The following TENM4 variants were observed in gnomAD, a reference collection of about 807,000 sequenced individuals.
The protein encoded by TENM4 is teneurin transmembrane protein 4.
TENM4 carries 82 observed loss-of-function variants against 243.3 expected under a neutral mutation model. The ratio of observed to expected loss-of-function variants is 0.34; its 90% CI spans 0.28 to 0.40. The LOEUF is 0.40. TENM4 is among the 10% of genes least tolerant of loss of function. TENM4 has a pLI of 1.00. For missense variants in TENM4, 3,138 were observed against 3,673.3 expected (o/e 0.85, Z 3.77); for synonymous variants, 1,412 against 1,456.3 (o/e 0.97, Z 0.69).
In TENM4 at chr11:79,303,163, T is replaced by A. The variant is rs372833198; in HGVS notation, c.-320-5620A>T. Among the ~76,000 whole-genome samples, 36 of 152,336 alleles carry A rather than the reference T, an allele frequency of 2.4e-4. No individual in the cohort carries two copies. In the South Asian group the frequency reaches 6.0e-3, roughly 25 times the overall value. On this transcript the variant is annotated intron_variant, in intron 1 of 33. Coordinates refer to ENST00000278550, the MANE Select transcript of TENM4 (RefSeq NM_001098816.3). ...TCAAGATTCTGCTTCAAGATTCCTTTTATTTAAGCATCCCTCTATATAGCT... is the reference window on the plus strand; with the variant it reads ...TCAAGATTCTGCTTCAAGATTCCTTATATTTAAGCATCCCTCTATATAGCT...
intron 1 of TENM4, among the ~76,000 whole-genome samples, chr11:79,316,328 G>C (rs1181778568): frequency 1.3e-5 from 2 of 152,158 alleles, no homozygotes; most frequent in Admixed American, 6.6e-5. Flanking sequence ...TATAAACAAG[G>C]CTGGTTTCGA....
At chr11:79,151,392 C>T (rs567531417) in intron 3 of TENM4, among the ~76,000 whole-genome samples, 16 of 152,242 alleles carry the variant, frequency 1.1e-4, no homozygotes, top group Admixed American at 3.9e-4. Context: ...ATCTAGAAGT[C>T]TAAACACAAG....
At chr11:78,746,187 T>C (rs1856047720) in intron 19 of TENM4, among the ~76,000 whole-genome samples, 1 of 152,208 alleles carries the variant, frequency 6.6e-6, no homozygotes. Context: ...GTTCCTCATG[T>C]ACAGGTGAGG....
At chr11:79,413,900 C>T (rs1309810886) in intron 1 of TENM4, among the ~76,000 whole-genome samples, 2 of 152,090 alleles carry the variant, frequency 1.3e-5, no homozygotes, top group South Asian at 4.2e-4. Flanking sequence ...TACACATATG[C>T]ATGCACACAC....
chr11:79,298,492 G>T (rs1224824005), intron 1 of TENM4, among the ~76,000 whole-genome samples: 5 of 143,324 alleles, frequency 3.5e-5, no homozygotes, highest in African/African-American at 1.3e-4. Flanking sequence ...TCCGCAGTCC[G>T]GCCTGGGTGA....
At chr11:79,052,580 G>C (rs115028183) in intron 6 of TENM4, among the ~76,000 whole-genome samples, 1,986 of 152,302 alleles carry the variant, frequency 0.013, 46 homozygotes, top group African/African-American at 0.045. Context: ...TGTAATTATT[G>C]ACAGGTAGAG....
At chr11:79,431,455 C>T (rs1859167412) in intron 1 of TENM4, among the ~76,000 whole-genome samples, 2 of 152,254 alleles carry the variant, frequency 1.3e-5, no homozygotes, top group African/African-American at 4.8e-5. Flanking sequence ...TTTTCTTTGG[C>T]TAGATTCCTA....
chr11:79,363,052 G>A (rs995102299), intron 1 of TENM4, among the ~76,000 whole-genome samples: 3 of 152,210 alleles, frequency 2.0e-5, no homozygotes, highest in Admixed American at 1.3e-4. Flanking sequence ...CAGGTGGATT[G>A]CAACTCCTGA....
chr11:78,663,137 C>T (rs1858073129), intron 32 of TENM4, among the ~76,000 whole-genome samples: 1 of 152,194 alleles, frequency 6.6e-6, no homozygotes, highest in African/African-American at 2.4e-5. Context: ...GACAGACAGA[C>T]AGCCTGTGTC....
intron 6 of TENM4, among the ~76,000 whole-genome samples, chr11:79,026,601 GA>G (rs1256346140): frequency 6.6e-6 from 1 of 152,096 alleles, no homozygotes; most frequent in Non-Finnish European, 1.5e-5. Flanking sequence ...GTGCTTTTTT[GA>G]ATATCTACTT....
At chr11:79,186,925 A>G (rs1439956129) in intron 3 of TENM4, among the ~76,000 whole-genome samples, 1 of 152,178 alleles carries the variant, frequency 6.6e-6, no homozygotes, top group African/African-American at 2.4e-5. Context: ...GCTTTGGTGA[A>G]AGATTCTTCT....
chr11:79,101,596 G>A (rs997039578), intron 4 of TENM4, among the ~76,000 whole-genome samples: 6 of 152,220 alleles, frequency 3.9e-5, no homozygotes, highest in African/African-American at 1.4e-4. Context: ...ACTTCTCTGG[G>A]TTCCTTGTGT....
intron 6 of TENM4, among the ~76,000 whole-genome samples, chr11:79,051,710 G>A (rs1859797938): frequency 6.6e-6 from 1 of 152,182 alleles, no homozygotes; most frequent in Non-Finnish European, 1.5e-5. Flanking sequence ...CAGATGTGCA[G>A]GTTTGTCACA....
chr11:79,193,188 T>C (rs1288098838), intron 3 of TENM4: 1 of 152,204 alleles, frequency 6.6e-6, no homozygotes, highest in African/African-American at 2.4e-5. Flanking sequence ...CTCACTAAGG[T>C]CCCTGTTCTA....
At chr11:79,422,585 C>T (rs1283100477) in intron 1 of TENM4, among the ~76,000 whole-genome samples, 1 of 152,174 alleles carries the variant, frequency 6.6e-6, no homozygotes, top group Non-Finnish European at 1.5e-5. Flanking sequence ...AAACAACTCC[C>T]TCCACCCCAA....
intron 6 of TENM4, among the ~76,000 whole-genome samples, chr11:78,958,928 T>G (rs913804344): frequency 1.3e-5 from 2 of 152,362 alleles, no homozygotes; most frequent in East Asian, 1.9e-4. Flanking sequence ...GGAAGAGAGA[T>G]AGAAAAGTTT....
chr11:79,336,129 G>GA (rs992578207), intron 1 of TENM4, among the ~76,000 whole-genome samples: 1 of 151,656 alleles, frequency 6.6e-6, no homozygotes, highest in Non-Finnish European at 1.5e-5. Context: ...ACTAAATGGG[G>GA]AAAAAAAATG....
chr11:79,188,709 G>C (rs1444051935), intron 3 of TENM4, among the ~76,000 whole-genome samples: 1 of 151,082 alleles, frequency 6.6e-6, no homozygotes, highest in Non-Finnish European at 1.5e-5. Context: ...GAGGGAAGGG[G>C]GAGACGAGGA....
chr11:78,668,874 A>G, intron 32 of TENM4, 63 bp downstream of exon 32: 1 of 1,521,136 alleles, frequency 6.6e-7, no homozygotes, highest in East Asian at 2.3e-5. Context: ...AAGAAGACTA[A>G]GTATTGTTAG....
Sources: gnomAD v4.1 joint callset for allele counts (sites outside exome capture counted in the v4.1 genomes callset) on GRCh38, gnomAD v4.1.1 for gene constraint, MANE v1.5 for transcripts, NCBI Gene and HGNC (gene_info 2026-07-23, HGNC 2026-07-21) for gene names.